TRAPPC9: variants seen among roughly 807,000 people sequenced by gnomAD.
The protein encoded by TRAPPC9 is trafficking protein particle complex subunit 9, also known as IKK2 binding protein.
Under a neutral mutation model 124.0 loss-of-function variants are expected in TRAPPC9, and 83 were observed. The ratio of observed to expected loss-of-function variants is 0.67; its 90% CI spans 0.56 to 0.80. The LOEUF (loss-of-function observed/expected upper bound fraction) is 0.80. Ranked by LOEUF, TRAPPC9 falls within the 30% of genes least tolerant of loss-of-function variation. TRAPPC9 has a pLI of 0.00. For synonymous variants in TRAPPC9, 638 were observed against 617.5 expected (o/e 1.03, Z -0.49); for missense variants, 1,302 against 1,508.3 (o/e 0.86, Z 2.27).
chr8:139,729,173 A>G lies in TRAPPC9; in HGVS notation c.*1888T>C, dbSNP rs57505228. Among the ~76,000 whole-genome samples, 1,553 of 152,280 alleles carry G rather than the reference A, an allele frequency of 0.01. 29 individuals are homozygous for G. The highest frequency in any genetic ancestry group is 0.036 in the African/African-American group (1,482 of 41,556). The stretch of plus-strand genomic sequence containing the variant: ...AGTTCAGGTCACTCTTCTACAGGGG[A>G]TGTGTATCCTTTCTACCTTTTAAAC... On this transcript the variant is annotated 3_prime_UTR_variant, in exon 23 of 23. Coordinates refer to ENST00000438773, the MANE Select transcript of TRAPPC9 (RefSeq NM_001160372.4).
At chr8:139,833,552 A>G (rs894115441) in intron 21 of TRAPPC9, among the ~76,000 whole-genome samples, 1 of 152,246 alleles carries the variant, frequency 6.6e-6, no homozygotes, top group African/African-American at 2.4e-5. Context: ...CCCGCAGATT[A>G]AAGAAGTCAT....
rs1479659076 is a variant in TRAPPC9 at position 139,879,436 on chromosome 8, GCAC to G, written c.3055+6440_3055+6442del. ...CAGACAAAACTCACCCTCTTCTCAT[GCAC>G]CACCACACCGTGGCTGGCTAACTAA... On this transcript the variant is annotated intron_variant, in intron 21 of 22. Transcript: ENST00000438773. 3.3e-5 allele frequency among the ~76,000 whole-genome samples: 5 copies of G among 152,326 alleles called. No individual in the cohort carries two copies. In the East Asian group the frequency reaches 9.6e-4, roughly 29 times the overall value.
rs116976771 is a variant in TRAPPC9 at position 139,730,308 on chromosome 8, G to A, written c.*753C>T. The A allele has an allele frequency of 0.035, 5,414 of 152,508 alleles. 217 individuals carry two copies. Among genetic ancestry groups the A allele is most frequent in the Admixed American group, 0.11 (1,744 of 15,302 alleles). 9.4% of individuals were successfully genotyped at this position (152,508 alleles called of 1,614,324 possible). ...GGCTGACGGGCTGGGTGGGGGCCCC[G>A]GACTGCACTGGGCTAGCAGATGCAG... is the stretch of plus-strand genomic sequence containing the variant. On this transcript the variant is annotated 3_prime_UTR_variant, in exon 23 of 23. Transcript: ENST00000438773.
chr8:140,112,959 C>T (rs541272068), intron 17 of TRAPPC9, among the ~76,000 whole-genome samples: 20 of 151,910 alleles, frequency 1.3e-4, no homozygotes, highest in African/African-American at 4.8e-4. Context: ...CCTACCTCAG[C>T]CTCCTGAGTA....
In TRAPPC9 at chr8:140,062,574, T is replaced by C. The variant is rs539804292; in HGVS notation, c.2557-38495A>G. ...CAGCGCCCTCAGAGACCCTCCTCAC[T>C]TCCTGTAAGCCCTGCTCAGCACTAT... On this transcript the variant is annotated intron_variant, in intron 17 of 22. Coordinates refer to ENST00000438773, the MANE Select transcript of TRAPPC9 (RefSeq NM_001160372.4). 2.6e-5 allele frequency among the ~76,000 whole-genome samples: 4 copies of C among 152,202 alleles called. No homozygotes were observed. The South Asian group carries it at 8.3e-4, about 32-fold the overall frequency.
intron 4 of TRAPPC9, among the ~76,000 whole-genome samples, chr8:140,434,475 G>A (rs2070745192): frequency 6.6e-6 from 1 of 152,120 alleles, no homozygotes; most frequent in African/African-American, 2.4e-5. Context: ...CCCAGGCCCT[G>A]AATCAGCTTA....
At chr8:139,787,088 G>C (rs895507212) in intron 21 of TRAPPC9, among the ~76,000 whole-genome samples, 12 of 152,272 alleles carry the variant, frequency 7.9e-5, no homozygotes, top group African/African-American at 2.9e-4. Flanking sequence ...AGTCAGTCAT[G>C]GCACACCAAC....
At position 139,910,110 on chromosome 8, in the gene TRAPPC9, G is replaced by A. The variant is rs1477375329; in HGVS notation, c.2964+37C>T. The A allele has an allele frequency of 1.1e-5, 18 of 1,613,038 alleles. No homozygotes were observed. The African/African-American group carries it at 1.5e-4, about 13-fold the overall frequency. ...TTAGAGGTTGGAACCCTGGGCAAAGGTGCCCCCAGGCCCAGGTGGCCCCTG... is the reference window on the plus strand; with the variant it reads ...TTAGAGGTTGGAACCCTGGGCAAAGATGCCCCCAGGCCCAGGTGGCCCCTG... On this transcript the variant is annotated intron_variant, in intron 20 of 22. Coordinates refer to ENST00000438773, the MANE Select transcript of TRAPPC9 (RefSeq NM_001160372.4).
intron 19 of TRAPPC9, among the ~76,000 whole-genome samples, chr8:139,965,901 A>C (rs1347070534): frequency 6.7e-6 from 1 of 148,838 alleles, no homozygotes; most frequent in African/African-American, 2.4e-5. Flanking sequence ...GAAGCACAGC[A>C]GACTGACATC....
chr8:139,893,337 C>T (rs886841937), intron 20 of TRAPPC9, among the ~76,000 whole-genome samples: 1 of 152,214 alleles, frequency 6.6e-6, no homozygotes, highest in Non-Finnish European at 1.5e-5. Context: ...TGTCCCTCCC[C>T]TTCTTCTACC....
At chr8:140,273,622 C>A (rs922757313) in intron 15 of TRAPPC9, among the ~76,000 whole-genome samples, 3 of 152,218 alleles carry the variant, frequency 2.0e-5, no homozygotes, top group African/African-American at 7.2e-5. Context: ...GAAAAGGTAA[C>A]CCCTCGGCAT....
At chr8:140,423,975 G>T (rs909982936) in intron 5 of TRAPPC9, among the ~76,000 whole-genome samples, 10 of 152,128 alleles carry the variant, frequency 6.6e-5, no homozygotes, top group Admixed American at 1.3e-4. Flanking sequence ...GTAAGGGAAG[G>T]ACATAGGCAA....
intron 21 of TRAPPC9, among the ~76,000 whole-genome samples, chr8:139,744,179 T>G (rs1818740912): frequency 6.6e-6 from 1 of 152,240 alleles, no homozygotes; most frequent in South Asian, 2.1e-4. Flanking sequence ...TGCATTTTAT[T>G]TCAACTCTTT....
upstream of TRAPPC9, chr8:140,458,499 G>A (rs554522957): frequency 1.2e-5 from 19 of 1,578,592 alleles, no homozygotes; most frequent in South Asian, 8.1e-5. Flanking sequence ...CACGTGAGGT[G>A]CGAGCCCCAG....
intron 19 of TRAPPC9, among the ~76,000 whole-genome samples, chr8:139,968,913 C>T (rs922004015): frequency 4.6e-5 from 7 of 152,178 alleles, no homozygotes; most frequent in Non-Finnish European, 8.8e-5. Flanking sequence ...AGCTTATGGC[C>T]CGTCCACAAT....
intron 21 of TRAPPC9, among the ~76,000 whole-genome samples, chr8:139,830,996 A>G (rs1228769902): frequency 6.6e-6 from 1 of 152,194 alleles, no homozygotes; most frequent in Non-Finnish European, 1.5e-5. Context: ...CCTGTGCCGA[A>G]TGCTCACGTG....
intron 7 of TRAPPC9, among the ~76,000 whole-genome samples, chr8:140,382,315 C>T (rs1426194824): frequency 6.6e-6 from 1 of 152,182 alleles, no homozygotes; most frequent in Non-Finnish European, 1.5e-5. Context: ...TGCAGTGCAT[C>T]GAGCATGGGC....
In TRAPPC9 at chr8:140,354,122, G is replaced by A. The variant is rs1180262519; in HGVS notation, c.1495+5928C>T. 3.9e-5 allele frequency among the ~76,000 whole-genome samples: 6 copies of A among 152,244 alleles called. No individual in the cohort carries two copies. The East Asian group carries it at 7.7e-4, about 20-fold the overall frequency. The stretch of plus-strand genomic sequence containing the variant: ...ACGGCCAAATACAGAGTGAATGTGA[G>A]AGTGGGAAAAGATGAGTCTGGAAAT... On this transcript the variant is annotated intron_variant, in intron 9 of 22. Coordinates refer to ENST00000438773, the MANE Select transcript of TRAPPC9 (RefSeq NM_001160372.4).
intron 9 of TRAPPC9, among the ~76,000 whole-genome samples, chr8:140,347,139 C>A (rs1253526690): frequency 1.3e-5 from 2 of 152,236 alleles, no homozygotes; most frequent in African/African-American, 4.8e-5. Flanking sequence ...CAGGAGCCCC[C>A]ACCATTAGAG....
Sources: allele counts gnomAD v4.1 joint callset (sites outside exome capture counted in the v4.1 genomes callset), GRCh38; gene constraint gnomAD v4.1.1; transcripts MANE v1.5; gene names NCBI Gene and HGNC (gene_info 2026-07-23, HGNC 2026-07-21).